The following UBA6 variants were observed in gnomAD, a reference collection of about 807,000 sequenced individuals.
The protein encoded by UBA6 is ubiquitin-like modifier-activating enzyme 6.
In UBA6, 87 loss-of-function variants were observed where a neutral mutation model predicts 148.3. The ratio of observed to expected loss-of-function variants is 0.59; its 90% CI spans 0.49 to 0.70. The LOEUF is 0.70. Ranked by LOEUF, UBA6 falls within the 30% of genes least tolerant of loss-of-function variation. UBA6 has a pLI of 0.00. For synonymous variants in UBA6, 376 were observed against 401.0 expected (o/e 0.94, Z 0.75); for missense variants, 1,186 against 1,241.2 (o/e 0.96, Z 0.67).
At chr4:67,689,541 C>A (rs541615871) in intron 2 of UBA6, among the ~76,000 whole-genome samples, 53 of 152,176 alleles carry the variant, frequency 3.5e-4, no homozygotes, top group Non-Finnish European at 6.5e-4. Flanking sequence ...GTTTCTCTAT[C>A]TAACTTTTTT....
At chr4:67,673,023 G>A (rs1370780182) in intron 7 of UBA6, among the ~76,000 whole-genome samples, 4 of 152,062 alleles carry the variant, frequency 2.6e-5, no homozygotes, top group Non-Finnish European at 5.9e-5. Context: ...CTAGCAGAAG[G>A]TAATTTTCAT....
chr4:67,642,468 T>G (rs916169161), intron 17 of UBA6, among the ~76,000 whole-genome samples: 7 of 152,080 alleles, frequency 4.6e-5, no homozygotes, highest in Non-Finnish European at 1.0e-4. Context: ...TCAATACTCA[T>G]GTAAATCAAA....
chr4:67,646,783 A>G lies in UBA6; in HGVS notation c.1257T>C (p.Leu419=). 1 of 1,600,922 alleles carries G rather than the reference A, an allele frequency of 6.2e-7. No individual in the cohort carries two copies. Among genetic ancestry groups the G allele is most frequent in the South Asian group, 1.1e-5 (1 of 88,808 alleles). ...GTGATTCAACAATATCTGCTGCTTC[A>G]AGATATAACTTAAAGTAGAAGATTA... ...KFSPLCQWLY[L]EAADIVESLG... Residue 419 remains leucine, a synonymous_variant, in exon 15 of 33, where the codon CTT becomes CTC. Transcript: ENST00000322244.
intron 18 of UBA6, among the ~76,000 whole-genome samples, chr4:67,640,419 A>G (rs571664205): frequency 6.6e-6 from 1 of 152,322 alleles, no homozygotes; most frequent in South Asian, 2.1e-4. Flanking sequence ...TTAGTTTACT[A>G]AGACTTGCAA....
At chr4:67,669,600 C>T (rs997066029) in intron 8 of UBA6, among the ~76,000 whole-genome samples, 1 of 151,990 alleles carries the variant, frequency 6.6e-6, no homozygotes. Context: ...ATAATGATTT[C>T]TCCAGTTCTT....
Position 67,665,312 on chromosome 4 carries a change from A to C in UBA6, c.794-20T>G. 1 of 1,448,588 alleles carries C rather than the reference A, an allele frequency of 6.9e-7. No individual in the cohort carries two copies. The highest frequency in any genetic ancestry group is 9.5e-7 in the Non-Finnish European group (1 of 1,049,670). 89.7% of individuals were successfully genotyped at this position (1,448,588 alleles called of 1,614,324 possible). ...ATATCACTAGAAGACAAAAAATTTA[A>C]AAAATCATTACACAGGGATATAGAT... is the stretch of plus-strand genomic sequence containing the variant. On this transcript the variant is annotated intron_variant, in intron 9 of 32. Coordinates refer to ENST00000322244, the MANE Select transcript of UBA6 (RefSeq NM_018227.6).
At chr4:67,648,484 T>A (rs1178728586) in intron 14 of UBA6, among the ~76,000 whole-genome samples, 98 of 146,190 alleles carry the variant, frequency 6.7e-4, no homozygotes, top group African/African-American at 2.2e-3. Context: ...AAAAAAAAAT[T>A]AAAAAAAAAA....
chr4:67,665,446 T>TA (rs1553908345), intron 9 of UBA6, among the ~76,000 whole-genome samples, 154 bp from the exon 10 acceptor site: 4 of 149,352 alleles, frequency 2.7e-5, no homozygotes, highest in East Asian at 3.9e-4. Context: ...TTTTTTTTTT[T>TA]AATGAAGAGC....
At chr4:67,649,548 A>C (rs1007824676) in intron 13 of UBA6, among the ~76,000 whole-genome samples, 1 of 152,204 alleles carries the variant, frequency 6.6e-6, no homozygotes, top group African/African-American at 2.4e-5. Context: ...ACAAATAAAC[A>C]GATTTTTTTT....
intron 7 of UBA6, among the ~76,000 whole-genome samples, 161 bp downstream of exon 7, chr4:67,673,536 G>A (rs1260194983): frequency 2.0e-5 from 3 of 151,370 alleles, no homozygotes; most frequent in East Asian, 3.9e-4. Flanking sequence ...TTAGATCCTA[G>A]TTTTAAAAAC....
At chr4:67,669,471 T>C (rs1456234378) in intron 8 of UBA6, among the ~76,000 whole-genome samples, 1 of 152,174 alleles carries the variant, frequency 6.6e-6, no homozygotes, top group Non-Finnish European at 1.5e-5. Context: ...ACAAATACTA[T>C]TATGTTAAAG....
chr4:67,693,890 T>C (rs1009789184), intron 2 of UBA6, among the ~76,000 whole-genome samples: 3 of 151,906 alleles, frequency 2.0e-5, no homozygotes, highest in African/African-American at 7.3e-5. Context: ...CTTATACTAG[T>C]CCCCATAAGC....
chr4:67,653,235 C>G (rs567166967), intron 13 of UBA6, among the ~76,000 whole-genome samples: 1 of 152,226 alleles, frequency 6.6e-6, no homozygotes, highest in Admixed American at 6.5e-5. Context: ...AATTGGGTCC[C>G]TGACCCCCAT....
In UBA6 at chr4:67,616,215, T is replaced by C. The variant is rs4860853; in HGVS notation, c.*2782A>G. On this transcript the variant is annotated 3_prime_UTR_variant, in exon 33 of 33. Coordinates refer to ENST00000322244, the MANE Select transcript of UBA6 (RefSeq NM_018227.6). ...TATATGTTTTTGAATCTATGAAAAG[T>C]AAAATCGCTAAATCCATACACAGTG... is the stretch of plus-strand genomic sequence containing the variant. 1 of 395,288 alleles carries C rather than the reference T, an allele frequency of 2.5e-6. No individual in the cohort carries two copies. Among genetic ancestry groups the C allele is most frequent in the South Asian group, 1.3e-4 (1 of 7,822 alleles). The allele number at this position is 395,288 out of a possible 1,614,324, so 24.5% of individuals were successfully genotyped here.
Position 67,612,886 on chromosome 4 carries a change from G to A in UBA6, c.*6111C>T, listed in dbSNP as rs577794855. 59 of 152,316 alleles carry A rather than the reference G, an allele frequency of 3.9e-4. No individual in the cohort carries two copies. Among genetic ancestry groups the A allele is most frequent in the African/African-American group, 1.3e-3 (55 of 41,572 alleles). The allele number at this position is 152,316 out of a possible 1,614,324, so 9.4% of individuals were successfully genotyped here. A position where few individuals can be genotyped will look rare whatever the true frequency, so the allele number is the denominator to read the frequency against. Reference sequence around the variant, plus strand: ...ACCATGCCAATAATATCTGAGAAAAGATAGAAATTCAGAAAAATGAACCAT... The same window carrying A: ...ACCATGCCAATAATATCTGAGAAAAAATAGAAATTCAGAAAAATGAACCAT... On this transcript the variant is annotated 3_prime_UTR_variant, in exon 33 of 33. Transcript: ENST00000322244.
At position 67,670,561 on chromosome 4, in the gene UBA6, G is replaced by A. The variant is rs1165523943; in HGVS notation, c.578C>T (p.Ser193Leu). Residue 193 changes from serine (S) to leucine (L), a missense_variant, in exon 8 of 33, where the codon TCA (serine) becomes TTA (leucine). Coordinates refer to ENST00000322244, the MANE Select transcript of UBA6 (RefSeq NM_018227.6). Reference sequence around the variant, plus strand: ...ATCACCGAAATCACAAAATAACCTTGACCAAATTCCATGTACATCTGCACT... The same window carrying A: ...ATCACCGAAATCACAAAATAACCTTAACCAAATTCCATGTACATCTGCACT... ...FISADVHGIWSRLFCDFGDEF... is the reference protein window; with the variant it reads ...FISADVHGIWLRLFCDFGDEF... The A allele has an allele frequency of 1.2e-6, 2 of 1,611,362 alleles. No homozygotes were observed. The highest frequency in any genetic ancestry group is 1.7e-6 in the Non-Finnish European group (2 of 1,177,964).
At position 67,618,977 on chromosome 4, in the gene UBA6, T is replaced by C; in HGVS notation, c.*20A>G. 6.2e-7 allele frequency: 1 copy of C among 1,609,412 alleles called. No individual in the cohort carries two copies. Among genetic ancestry groups the C allele is most frequent in the East Asian group, 2.2e-5 (1 of 44,752 alleles). ...TTTCCAAAATCAAGTGGTCCTGGAG[T>C]AACGTTAAGACAACTTGTATTAATC... On this transcript the variant is annotated 3_prime_UTR_variant, in exon 33 of 33. Coordinates refer to ENST00000322244, the MANE Select transcript of UBA6 (RefSeq NM_018227.6).
chr4:67,692,681 A>G (rs1014949952), intron 2 of UBA6, among the ~76,000 whole-genome samples: 2 of 152,180 alleles, frequency 1.3e-5, no homozygotes, highest in African/African-American at 2.4e-5. Context: ...AAGTTCAACA[A>G]TGAAGGTGCT....
At chr4:67,620,848 T>A (rs1728735043) in intron 32 of UBA6, among the ~76,000 whole-genome samples, 1 of 152,180 alleles carries the variant, frequency 6.6e-6, no homozygotes, top group African/African-American at 2.4e-5. Context: ...TTTCAAAAGC[T>A]ACTCAAGGTA....
Sources: allele counts gnomAD v4.1 joint callset (sites outside exome capture counted in the v4.1 genomes callset), GRCh38; gene constraint gnomAD v4.1.1; transcripts MANE v1.5; gene names NCBI Gene and HGNC (gene_info 2026-07-23, HGNC 2026-07-21).